The following SOX6 variants were observed in gnomAD, a reference collection of about 807,000 sequenced individuals.
SOX6 encodes transcription factor SOX-6.
In SOX6, 11 loss-of-function variants were observed where a neutral mutation model predicts 97.8. The observed-to-expected ratio is 0.11, with a 90% CI of 0.07 to 0.19. The LOEUF (loss-of-function observed/expected upper bound fraction) is 0.19. SOX6 is among the 10% of genes least tolerant of loss of function. The pLI, the probability that SOX6 is intolerant of heterozygous loss-of-function variation, is 1.00. For missense variants in SOX6, 810 were observed against 1,039.5 expected (o/e 0.78, Z 3.04); for synonymous variants, 360 against 371.4 (o/e 0.97, Z 0.35).
At chr11:16,527,683 A>G (rs536059144) in intron 4 of SOX6, among the ~76,000 whole-genome samples, 1 of 152,282 alleles carries the variant, frequency 6.6e-6, no homozygotes, top group African/African-American at 2.4e-5. Flanking sequence ...ATGCACCTGC[A>G]TAGTGTTGTA....
chr11:16,157,086 A>G (rs979237483), intron 6 of SOX6, among the ~76,000 whole-genome samples: 3 of 151,986 alleles, frequency 2.0e-5, no homozygotes, highest in Non-Finnish European at 4.4e-5. Flanking sequence ...CTGTCAACCA[A>G]TGCAGAAATG....
At chr11:16,412,025 G>A (rs780532625) in intron 1 of SOX6, among the ~76,000 whole-genome samples, 61 of 152,192 alleles carry the variant, frequency 4.0e-4, no homozygotes, top group Non-Finnish European at 7.8e-4. Flanking sequence ...CTATAAATAA[G>A]TGAATATCAA....
intron 4 of SOX6, among the ~76,000 whole-genome samples, chr11:16,501,232 G>A (rs562562522): frequency 1.3e-4 from 20 of 152,296 alleles, no homozygotes; most frequent in Admixed American, 2.6e-4. Context: ...TTTAATAAAT[G>A]GTGCTGGGAA....
At chr11:16,626,069 G>A (rs1183934850) in intron 3 of SOX6, among the ~76,000 whole-genome samples, 1 of 152,134 alleles carries the variant, frequency 6.6e-6, no homozygotes, top group Non-Finnish European at 1.5e-5. Context: ...TATGGAAGCT[G>A]ATATAATCTC....
chr11:16,052,708 T>C (rs1847715926), intron 10 of SOX6, among the ~76,000 whole-genome samples: 1 of 152,178 alleles, frequency 6.6e-6, no homozygotes, highest in Non-Finnish European at 1.5e-5. Flanking sequence ...TTTCTTTAAA[T>C]ATTTGAAAAC....
chr11:16,067,447 A>G (rs1377976194), intron 9 of SOX6, among the ~76,000 whole-genome samples: 2 of 151,716 alleles, frequency 1.3e-5, no homozygotes, highest in Non-Finnish European at 2.9e-5. Context: ...CCCTGCACAC[A>G]CCCTCTTGCC....
At chr11:16,185,039 C>T (rs971144957) in intron 5 of SOX6, among the ~76,000 whole-genome samples, 3 of 152,082 alleles carry the variant, frequency 2.0e-5, no homozygotes, top group African/African-American at 7.2e-5. Context: ...ATATACTTCC[C>T]AAGCCTTTTT....
chr11:16,087,482 C>T (rs1848603069), intron 9 of SOX6, among the ~76,000 whole-genome samples: 1 of 152,082 alleles, frequency 6.6e-6, no homozygotes, highest in Non-Finnish European at 1.5e-5. Flanking sequence ...GACTTATATA[C>T]TATTAAACTA....
intron 1 of SOX6, among the ~76,000 whole-genome samples, chr11:16,412,735 T>C (rs1453810646): frequency 6.6e-6 from 1 of 152,200 alleles, no homozygotes. Flanking sequence ...AATTGGTTTT[T>C]CTCCTTCTCT....
chr11:16,460,544 T>C (rs1024825799), intron 1 of SOX6, among the ~76,000 whole-genome samples: 1 of 152,108 alleles, frequency 6.6e-6, no homozygotes, highest in African/African-American at 2.4e-5. Context: ...TTTTTTAATT[T>C]TTATTTCAAT....
At chr11:16,462,523 G>A (rs1316850459) in intron 1 of SOX6, among the ~76,000 whole-genome samples, 1 of 152,124 alleles carries the variant, frequency 6.6e-6, no homozygotes, top group East Asian at 1.9e-4. Flanking sequence ...CGGAAAGGCA[G>A]AGTAAAGTTT....
At chr11:16,314,245 A>C (rs1241330833) in intron 3 of SOX6, 1 of 152,144 alleles carries the variant, frequency 6.6e-6, no homozygotes, top group Non-Finnish European at 1.5e-5. Flanking sequence ...AACCTGAACT[A>C]TTGGCCGTTT....
intron 1 of SOX6, among the ~76,000 whole-genome samples, chr11:16,417,274 G>C (rs1438850971): frequency 6.6e-6 from 1 of 152,028 alleles, no homozygotes; most frequent in Non-Finnish European, 1.5e-5. Context: ...CCATACCCCT[G>C]GCCCATCCTA....
At chr11:16,052,193 G>GC (rs1164466906) in intron 10 of SOX6, among the ~76,000 whole-genome samples, 1 of 151,902 alleles carries the variant, frequency 6.6e-6, no homozygotes. Context: ...ATACCACTGG[G>GC]CATGGCTATC....
At chr11:16,140,343 T>C (rs1850097560) in intron 6 of SOX6, among the ~76,000 whole-genome samples, 1 of 152,206 alleles carries the variant, frequency 6.6e-6, no homozygotes. Flanking sequence ...TAATATGTTT[T>C]ATGTTCCTAC....
chr11:16,049,355 T>A (rs986947041), intron 11 of SOX6, among the ~76,000 whole-genome samples: 1 of 151,586 alleles, frequency 6.6e-6, no homozygotes, highest in African/African-American at 2.4e-5. Context: ...AAAAGTCATA[T>A]GGGATAAGAT....
At chr11:16,155,051 GA>G (rs34170019) in intron 6 of SOX6, among the ~76,000 whole-genome samples, 109 of 142,998 alleles carry the variant, frequency 7.6e-4, no homozygotes, top group Middle Eastern at 3.7e-3. Context: ...CTGATTGTCA[GA>G]AAAAAAAAAA....
intron 1 of SOX6, among the ~76,000 whole-genome samples, chr11:16,364,668 A>T (rs965555307): frequency 7.2e-5 from 11 of 152,186 alleles, no homozygotes; most frequent in African/African-American, 2.4e-4. Flanking sequence ...TCAATTTGAA[A>T]AGTATAAAAC....
At chr11:16,574,152 T>C (rs943189236) in intron 4 of SOX6, among the ~76,000 whole-genome samples, 1 of 152,134 alleles carries the variant, frequency 6.6e-6, no homozygotes, top group Non-Finnish European at 1.5e-5. Context: ...TCTAAATTTA[T>C]ATGGAAATGC....
Sources: allele counts gnomAD v4.1 joint callset (sites outside exome capture counted in the v4.1 genomes callset), GRCh38; gene constraint gnomAD v4.1.1; transcripts MANE v1.5; gene names NCBI Gene and HGNC (gene_info 2026-07-23, HGNC 2026-07-21).